RANBP17: variants seen among roughly 807,000 people sequenced by gnomAD.
RANBP17 encodes ran-binding protein 17.
A neutral mutation model predicts 141.2 loss-of-function variants in RANBP17; 158 were observed. That is an observed-to-expected ratio of 1.12 (90% CI 0.98 to 1.28). The LOEUF is 1.28. Among genes scored for constraint, RANBP17 ranks in the 50% most tolerant of loss-of-function variants. The probability of loss-of-function intolerance (pLI) is 0.00; values close to 1 mark genes in which losing one functional copy is unlikely to be tolerated. For missense variants in RANBP17, 1,438 were observed against 1,290.7 expected (o/e 1.11, Z -1.75); for synonymous variants, 430 against 450.0 (o/e 0.96, Z 0.56).
chr5:171,044,408 A>G (rs1294210412), intron 14 of RANBP17, among the ~76,000 whole-genome samples: 3 of 151,936 alleles, frequency 2.0e-5, no homozygotes, highest in African/African-American at 7.2e-5. Context: ...AACTTATTTT[A>G]CCTTATTAGC....
intron 27 of RANBP17, among the ~76,000 whole-genome samples, chr5:171,298,061 T>C (rs142112133): frequency 0.088 from 13,396 of 152,016 alleles, 828 homozygotes; most frequent in East Asian, 0.2. Context: ...TTTCACAATG[T>C]TGGCCAGGCT....
chr5:171,089,379 A>T (rs1270743610), intron 14 of RANBP17, among the ~76,000 whole-genome samples: 1 of 150,198 alleles, frequency 6.7e-6, no homozygotes, highest in African/African-American at 2.5e-5. Flanking sequence ...AGACAGGGAC[A>T]TTTAAGTTTG....
chr5:170,955,668 A>ATGCTCAGTGTG (rs70982315), intron 13 of RANBP17, among the ~76,000 whole-genome samples: 1,170 of 64,706 alleles, frequency 0.018, 379 homozygotes, highest in South Asian at 0.09. Flanking sequence ...ATATATATAT[A>ATGCTCAGTGTG]TATATATATA....
intron 22 of RANBP17, among the ~76,000 whole-genome samples, chr5:171,236,745 G>C (rs1008090360): frequency 2.6e-5 from 4 of 152,114 alleles, no homozygotes; most frequent in Non-Finnish European, 4.4e-5. Flanking sequence ...TAAGAGCCTT[G>C]TGAATTATAG....
At chr5:171,238,767 C>T (rs914822016) in intron 22 of RANBP17, among the ~76,000 whole-genome samples, 1 of 152,178 alleles carries the variant, frequency 6.6e-6, no homozygotes, top group Admixed American at 6.6e-5. Flanking sequence ...TGCCTTTGCA[C>T]TTCATCTACC....
chr5:171,202,170 C>G (rs1762333956), intron 19 of RANBP17, among the ~76,000 whole-genome samples: 1 of 152,164 alleles, frequency 6.6e-6, no homozygotes, highest in Non-Finnish European at 1.5e-5. Flanking sequence ...TATTTTCTTA[C>G]TTATTCTTAA....
chr5:171,165,111 C>G (rs1759593114), intron 14 of RANBP17, among the ~76,000 whole-genome samples: 1 of 152,168 alleles, frequency 6.6e-6, no homozygotes, highest in Non-Finnish European at 1.5e-5. Flanking sequence ...TGTTGAGTAA[C>G]TATTAAATGT....
intron 14 of RANBP17, among the ~76,000 whole-genome samples, chr5:171,043,560 A>G (rs1472765004): frequency 6.6e-6 from 1 of 152,218 alleles, no homozygotes; most frequent in Non-Finnish European, 1.5e-5. Context: ...GTTAGATCAC[A>G]TAGGCTAGCC....
intron 21 of RANBP17, among the ~76,000 whole-genome samples, chr5:171,216,361 C>T (rs1257493010): frequency 1.3e-5 from 2 of 152,108 alleles, no homozygotes; most frequent in African/African-American, 4.8e-5. Context: ...GTTCTTTTTG[C>T]TAAGGATTGT....
intron 13 of RANBP17, 97 bp downstream of exon 13, chr5:170,953,799 C>G (rs527927411): frequency 2.7e-6 from 2 of 753,486 alleles, no homozygotes; most frequent in South Asian, 1.6e-5. Context: ...TTGTATGTGG[C>G]CTTTTGAGGA....
intron 14 of RANBP17, among the ~76,000 whole-genome samples, chr5:171,164,516 T>C (rs1179441423): frequency 7.3e-6 from 1 of 137,340 alleles, no homozygotes; most frequent in Non-Finnish European, 1.6e-5. Flanking sequence ...TTTGATGAGT[T>C]GAGAATTTGG....
chr5:171,256,835 C>A (rs532587927), intron 24 of RANBP17, among the ~76,000 whole-genome samples: 1 of 151,844 alleles, frequency 6.6e-6, no homozygotes, highest in Non-Finnish European at 1.5e-5. Context: ...TGGAAACATA[C>A]AAGGTTCTGA....
intron 14 of RANBP17, among the ~76,000 whole-genome samples, chr5:171,089,176 C>T (rs1397800327): frequency 1.4e-5 from 2 of 147,930 alleles, no homozygotes; most frequent in African/African-American, 4.9e-5. Context: ...TTCCTTCTAA[C>T]AGACAGGACC....
intron 14 of RANBP17, among the ~76,000 whole-genome samples, chr5:171,136,105 C>A (rs573142215): frequency 3.1e-3 from 478 of 152,304 alleles, no homozygotes; most frequent in Non-Finnish European, 4.9e-3. Context: ...TTAGTTGATG[C>A]TTGAATCAAA....
intron 25 of RANBP17, among the ~76,000 whole-genome samples, chr5:171,266,978 A>ATTTT (rs1238461872): frequency 1.3e-5 from 2 of 151,946 alleles, no homozygotes; most frequent in African/African-American, 4.8e-5. Context: ...ATATTTCAAA[A>ATTTT]AGAACAATAC....
chr5:171,297,846 C>CT (rs71310040), intron 27 of RANBP17, among the ~76,000 whole-genome samples: 7,722 of 67,552 alleles, frequency 0.11, 2,419 homozygotes, highest in Non-Finnish European at 0.14. Flanking sequence ...CCAATAAATT[C>CT]TTTTTTTTTT....
chr5:171,085,342 A>G (rs1012451048), intron 14 of RANBP17, among the ~76,000 whole-genome samples: 1 of 122,600 alleles, frequency 8.2e-6, no homozygotes, highest in Non-Finnish European at 1.7e-5. Context: ...TGGTACCAGT[A>G]CCATGCTGTT....
Position 171,135,272 on chromosome 5 carries a change from T to TC in RANBP17, c.1711-34856dup, listed in dbSNP as rs1347541401. Among the ~76,000 whole-genome samples the TC allele has an allele frequency of 2.1e-5, 3 of 139,906 alleles. No homozygotes were observed. The Admixed American group carries it at 2.2e-4, about 10-fold the overall frequency. 91.8% of individuals were successfully genotyped at this position (139,906 alleles called of 152,430 possible). On this transcript the variant is annotated intron_variant, in intron 14 of 27. Coordinates refer to ENST00000523189, the MANE Select transcript of RANBP17 (RefSeq NM_022897.5). ...TCCAGCCTGGGCAACAGAGTGAGACTCCATCTCAAAAAAAAAAAAAAAAAA... is the reference window on the plus strand; with the variant it reads ...TCCAGCCTGGGCAACAGAGTGAGACTCCCATCTCAAAAAAAAAAAAAAAAAA...
At chr5:171,185,647 C>T (rs1561742901) in intron 18 of RANBP17, among the ~76,000 whole-genome samples, 1 of 152,202 alleles carries the variant, frequency 6.6e-6, no homozygotes, top group African/African-American at 2.4e-5. Flanking sequence ...GCAATTCAGT[C>T]ACATCTTCAG....
Sources: gnomAD v4.1 joint callset for allele counts (sites outside exome capture counted in the v4.1 genomes callset) on GRCh38, gnomAD v4.1.1 for gene constraint, MANE v1.5 for transcripts, NCBI Gene and HGNC (gene_info 2026-07-23, HGNC 2026-07-21) for gene names.